The following CELA3B variants were observed in gnomAD, a reference collection of about 807,000 sequenced individuals.
The protein encoded by CELA3B is chymotrypsin-like elastase family member 3B.
In CELA3B, 34 loss-of-function variants were observed where a neutral mutation model predicts 37.2. The ratio of observed to expected loss-of-function variants is 0.91; its 90% CI spans 0.70 to 1.22. The LOEUF is 1.22. Among genes scored for constraint, CELA3B ranks in the 50% most tolerant of loss-of-function variants. CELA3B has a pLI of 0.00. For synonymous variants in CELA3B, 127 were observed against 143.5 expected (o/e 0.89, Z 0.82); for missense variants, 340 against 363.1 (o/e 0.94, Z 0.52).
In CELA3B at chr1:21,983,724, C is replaced by T; in HGVS notation, c.393C>T (p.Arg131=). The change falls in exon 5 of 8, where the codon CGC becomes CGT. Residue 131 remains arginine (R), a synonymous_variant. Coordinates refer to ENST00000337107, the MANE Select transcript of CELA3B (RefSeq NM_007352.4). ...ACATCGCCCTCATCAAGCTCTCACG[C>T]AGCGCCCAGCTGGGAGACGCCGTCC... ...GNDIALIKLS[R]SAQLGDAVQL... The T allele has an allele frequency of 6.2e-7, 1 of 1,614,142 alleles. No homozygotes were observed.
Position 21,986,610 on chromosome 1 carries a change from C to G in CELA3B, c.722C>G (p.Ala241Gly), listed in dbSNP as rs114895362. 0.016 allele frequency: 26,284 copies of G among 1,613,112 alleles called. 260 individuals are homozygous for G. Among genetic ancestry groups the G allele is most frequent in the African/African-American group, 0.022 (1,664 of 74,990 alleles). The change falls in exon 7 of 8, where the codon GCC (alanine) becomes GGC (glycine). Residue 241 changes from alanine to glycine, a missense_variant. By Grantham distance (60) the Ala-to-Gly change is moderately conservative. Transcript: ENST00000337107. ...QVHGVTSFVS[A>G]FGCNTRRKPT... ...CATGGCGTGACCAGCTTTGTTTCTG[C>G]CTTTGGCTGCAACACCCGCAGGAAG...
In CELA3B at chr1:21,978,874, G is replaced by A. The variant is rs551662678; in HGVS notation, c.129+420G>A. 2.9e-4 allele frequency among the ~76,000 whole-genome samples: 44 copies of A among 151,798 alleles called. No homozygotes were observed. In the East Asian group the frequency reaches 8.4e-3, roughly 29 times the overall value. On this transcript the variant is annotated intron_variant, in intron 2 of 7. Coordinates refer to ENST00000337107, the MANE Select transcript of CELA3B (RefSeq NM_007352.4). ...CTCAGAAGGCTGGACTTGATGTGCT[G>A]TGGCTATTTAAATTTAATTAAATTA...
chr1:21,988,657 T>C (rs1425821869), intron 7 of CELA3B, among the ~76,000 whole-genome samples: 4 of 146,426 alleles, frequency 2.7e-5, no homozygotes, highest in East Asian at 4.0e-4. Flanking sequence ...TTTGGGAGGC[T>C]GAGGTGGGCA....
intron 4 of CELA3B, among the ~76,000 whole-genome samples, chr1:21,981,676 G>A (rs1047166090): frequency 4.6e-5 from 7 of 151,968 alleles, no homozygotes; most frequent in African/African-American, 1.7e-4. Flanking sequence ...CCTCCCGGGT[G>A]GTTGTGAAGG....
intron 7 of CELA3B, chr1:21,987,879 G>C (rs534957471): frequency 6.6e-6 from 1 of 151,614 alleles, no homozygotes; most frequent in Non-Finnish European, 1.5e-5. Flanking sequence ...CGGCCCCTGC[G>C]CAAGGATGAC....
In CELA3B at chr1:21,986,399, TA is replaced by T. The variant is rs553053702; in HGVS notation, c.643-124del. The T allele has an allele frequency of 3.8e-3, 4,428 of 1,168,104 alleles. 21 individuals carry two copies. The highest frequency in any genetic ancestry group is 4.6e-3 in the Non-Finnish European group (3,858 of 846,062). 72.4% of individuals were successfully genotyped at this position (1,168,104 alleles called of 1,614,324 possible). A position where few individuals can be genotyped will look rare whatever the true frequency, so the allele number is the denominator to read the frequency against. On this transcript the variant is annotated intron_variant, in intron 6 of 7. Coordinates refer to ENST00000337107, the MANE Select transcript of CELA3B (RefSeq NM_007352.4). ...TAAAAAAATAAAAATAATAAATGAT[TA>T]AAAAAAATGAGCGAGCTAAGGCTCA...
chr1:21,983,981 C>A (rs150334655), intron 5 of CELA3B, 151 bp downstream of exon 5: 1 of 1,410,854 alleles, frequency 7.1e-7, no homozygotes, highest in African/African-American at 1.4e-5. Context: ...CTCCAAAACA[C>A]GAATGTGGTC....
intron 4 of CELA3B, among the ~76,000 whole-genome samples, chr1:21,981,996 A>G (rs183198243): frequency 6.6e-6 from 1 of 152,200 alleles, no homozygotes; most frequent in Admixed American, 6.5e-5. Flanking sequence ...AAGTGCTAGG[A>G]TTACAGGCAT....
chr1:21,981,067 G>A lies in CELA3B; in HGVS notation c.257G>A (p.Gly86Asp). ...SSSRTYQVVL[G>D]EYDRAVKEGP... Reference sequence around the variant, plus strand: ...TCCCGGACCTACCAGGTGGTGTTGGGCGAGTACGACCGTGCTGTGAAGGAG... The same window carrying A: ...TCCCGGACCTACCAGGTGGTGTTGGACGAGTACGACCGTGCTGTGAAGGAG... Residue 86 changes from glycine to aspartate, a missense_variant, in exon 4 of 8, where the codon GGC becomes GAC. By Grantham distance (94) the Gly-to-Asp change is moderately conservative. Transcript: ENST00000337107. The A allele has an allele frequency of 6.2e-7, 1 of 1,614,086 alleles. No individual in the cohort carries two copies. Among genetic ancestry groups the A allele is most frequent in the Non-Finnish European group, 8.5e-7 (1 of 1,180,032 alleles).
intron 6 of CELA3B, among the ~76,000 whole-genome samples, chr1:21,984,883 G>T (rs1328298141): frequency 1.3e-5 from 2 of 151,892 alleles, no homozygotes; most frequent in Non-Finnish European, 2.9e-5. Flanking sequence ...GGAGGCAGAG[G>T]TTGCAGTGAG....
chr1:21,989,778 A>C (rs1184349842), downstream of CELA3B, among the ~76,000 whole-genome samples: 2 of 150,828 alleles, frequency 1.3e-5, no homozygotes, highest in Non-Finnish European at 1.5e-5. Context: ...TTGGTTATTC[A>C]TTCATTCAAC....
intron 6 of CELA3B, among the ~76,000 whole-genome samples, chr1:21,985,717 T>C (rs1476442296): frequency 6.6e-6 from 1 of 151,862 alleles, no homozygotes; most frequent in Middle Eastern, 3.4e-3. Context: ...CTGTGAAACC[T>C]CGTCTCTACT....
chr1:21,980,276 T>C (rs1644796384), intron 2 of CELA3B, among the ~76,000 whole-genome samples: 1 of 145,092 alleles, frequency 6.9e-6, no homozygotes, highest in African/African-American at 2.5e-5. Flanking sequence ...GGTGAGGAGC[T>C]CGAGACCAGC....
chr1:21,986,412 C>A, intron 6 of CELA3B, 119 bp from the exon 7 acceptor site: 1 of 1,260,172 alleles, frequency 7.9e-7, no homozygotes, highest in Non-Finnish European at 1.1e-6. Flanking sequence ...AAAAAATGAG[C>A]GAGCTAAGGC....
chr1:21,997,522 T>A (rs186458719), intron 4 of CELA3B, among the ~76,000 whole-genome samples: 2 of 150,626 alleles, frequency 1.3e-5, no homozygotes, highest in East Asian at 3.9e-4. Context: ...ACCCTGCCTC[T>A]ACTAAAAATC....
At chr1:21,980,055 T>A (rs1254557662) in intron 2 of CELA3B, among the ~76,000 whole-genome samples, 1 of 59,310 alleles carries the variant, frequency 1.7e-5, no homozygotes, top group Non-Finnish European at 4.5e-5. Flanking sequence ...CTGTCCACAG[T>A]TTGCTAACCC....
At chr1:21,983,054 A>C (rs963566061) in intron 4 of CELA3B, among the ~76,000 whole-genome samples, 1 of 152,176 alleles carries the variant, frequency 6.6e-6, no homozygotes. Context: ...GGTTTCTTAA[A>C]ATTGCTCAGC....
intron 4 of CELA3B, among the ~76,000 whole-genome samples, chr1:21,982,438 T>A (rs1200234555): frequency 6.9e-5 from 1 of 14,392 alleles, no homozygotes; most frequent in Non-Finnish European, 9.1e-4. Context: ...CTACTAAAAA[T>A]TAAAAAAAAT....
At chr1:21,994,111 T>C (rs1293120202), downstream of CELA3B, among the ~76,000 whole-genome samples, 7 of 151,742 alleles carry the variant, frequency 4.6e-5, no homozygotes, top group Non-Finnish European at 7.4e-5. Context: ...CCCACTTCTC[T>C]GCTCCCATCC....
Sources: gnomAD v4.1 joint callset for allele counts (sites outside exome capture counted in the v4.1 genomes callset) on GRCh38, gnomAD v4.1.1 for gene constraint, MANE v1.5 for transcripts, NCBI Gene and HGNC (gene_info 2026-07-23, HGNC 2026-07-21) for gene names.